Variants in GULP1 observed in about 807,000 individuals in gnomAD.
GULP1 encodes PTB domain-containing engulfment adapter protein 1.
A neutral mutation model predicts 40.9 loss-of-function variants in GULP1; 19 were observed. That is an observed-to-expected ratio of 0.46 (90% CI 0.32 to 0.68). GULP1 has a LOEUF of 0.68. Among genes scored for constraint, GULP1 ranks in the 30% least tolerant of loss-of-function variants. The pLI, the probability that GULP1 is intolerant of heterozygous loss-of-function variation, is 0.03. For synonymous variants in GULP1, 119 were observed against 117.6 expected (o/e 1.01, Z -0.08); for missense variants, 312 against 362.2 (o/e 0.86, Z 1.12).
At chr2:188,482,513 G>A (rs1224175973) in intron 3 of GULP1, among the ~76,000 whole-genome samples, 4 of 151,616 alleles carry the variant, frequency 2.6e-5, no homozygotes, top group South Asian at 2.1e-4. Context: ...ACTAATGGAG[G>A]CAAAATATCA....
chr2:188,301,956 T>G (rs2036208969), intron 1 of GULP1, among the ~76,000 whole-genome samples: 1 of 152,218 alleles, frequency 6.6e-6, no homozygotes, highest in Non-Finnish European at 1.5e-5. Context: ...CTGGATTTAC[T>G]GCTGTGTGAG....
chr2:188,300,395 CTT>C (rs1303660630), intron 1 of GULP1, among the ~76,000 whole-genome samples: 3 of 151,890 alleles, frequency 2.0e-5, no homozygotes, highest in Non-Finnish European at 4.4e-5. Flanking sequence ...CATATGGAAA[CTT>C]GATAATTTTT....
chr2:188,559,407 C>T (rs1159690960), intron 7 of GULP1, among the ~76,000 whole-genome samples: 1 of 152,318 alleles, frequency 6.6e-6, no homozygotes, highest in East Asian at 1.9e-4. Flanking sequence ...ATGGAAACTC[C>T]TGGATGCCCA....
At chr2:188,562,110 A>G (rs1338455512) in intron 7 of GULP1, among the ~76,000 whole-genome samples, 1 of 152,184 alleles carries the variant, frequency 6.6e-6, no homozygotes, top group African/African-American at 2.4e-5. Flanking sequence ...ACAGTGTGCA[A>G]TCTGCTCAAG....
intron 2 of GULP1, among the ~76,000 whole-genome samples, chr2:188,456,682 C>G (rs942599314): frequency 6.6e-6 from 1 of 152,164 alleles, no homozygotes; most frequent in African/African-American, 2.4e-5. Flanking sequence ...CACAGAGTCC[C>G]TACTGGGGCA....
chr2:188,431,879 C>T (rs2056910850), intron 2 of GULP1, among the ~76,000 whole-genome samples: 1 of 151,758 alleles, frequency 6.6e-6, no homozygotes. Flanking sequence ...CTCTTACTTA[C>T]TGGTTTCTTT....
intron 2 of GULP1, among the ~76,000 whole-genome samples, chr2:188,403,947 G>C (rs1575036225): frequency 6.6e-6 from 1 of 152,106 alleles, no homozygotes; most frequent in Non-Finnish European, 1.5e-5. Flanking sequence ...AGGATGATCT[G>C]GGAACTCATT....
intron 9 of GULP1, among the ~76,000 whole-genome samples, chr2:188,576,142 C>T (rs1026840193): frequency 1.3e-5 from 2 of 151,932 alleles, no homozygotes; most frequent in Non-Finnish European, 2.9e-5. Flanking sequence ...CTTTTGCCTA[C>T]GTTATTTCTG....
At chr2:188,356,904 A>G (rs2045400947) in intron 1 of GULP1, among the ~76,000 whole-genome samples, 1 of 152,166 alleles carries the variant, frequency 6.6e-6, no homozygotes, top group South Asian at 2.1e-4. Context: ...AAGTAAATTC[A>G]TATATTTACA....
chr2:188,364,644 T>G (rs2046510082), intron 1 of GULP1, among the ~76,000 whole-genome samples: 2 of 151,884 alleles, frequency 1.3e-5, no homozygotes, highest in African/African-American at 4.8e-5. Context: ...AATCTCATTC[T>G]GAATATCATC....
At chr2:188,585,155 G>A (rs1005668101) in intron 10 of GULP1, among the ~76,000 whole-genome samples, 3 of 152,196 alleles carry the variant, frequency 2.0e-5, no homozygotes, top group East Asian at 3.9e-4. Flanking sequence ...TACTCCATGT[G>A]TCACATCCAG....
intron 1 of GULP1, among the ~76,000 whole-genome samples, chr2:188,299,173 C>T (rs760729279): frequency 3.1e-5 from 4 of 130,340 alleles, no homozygotes; most frequent in Non-Finnish European, 6.8e-5. Context: ...GAGCAGGTGA[C>T]TAAGGAGGGA....
chr2:188,347,645 G>A (rs1574603329), intron 1 of GULP1, among the ~76,000 whole-genome samples: 1 of 128,670 alleles, frequency 7.8e-6, no homozygotes, highest in Admixed American at 9.0e-5. Flanking sequence ...ACAGGGTCTT[G>A]CTCTGTCACC....
At chr2:188,491,561 T>C (rs2062394197) in intron 4 of GULP1, 1 of 152,124 alleles carries the variant, frequency 6.6e-6, no homozygotes, top group Admixed American at 6.6e-5. Flanking sequence ...CAATGGATTA[T>C]GTGGTTGCTT....
intron 1 of GULP1, among the ~76,000 whole-genome samples, chr2:188,327,853 C>T (rs967256136): frequency 6.6e-5 from 10 of 152,022 alleles, no homozygotes; most frequent in African/African-American, 2.4e-4. Context: ...TTTCACATGG[C>T]CAACCTAATA....
chr2:188,552,237 C>A (rs1282610616), intron 7 of GULP1, among the ~76,000 whole-genome samples: 2 of 151,654 alleles, frequency 1.3e-5, no homozygotes, highest in African/African-American at 4.8e-5. Flanking sequence ...GTCATAAATT[C>A]TCTGCCTAGC....
chr2:188,587,672 C>A (rs1202577863), intron 10 of GULP1, among the ~76,000 whole-genome samples, 183 bp from the exon 11 acceptor site: 1 of 152,050 alleles, frequency 6.6e-6, no homozygotes, highest in Non-Finnish European at 1.5e-5. Context: ...TAAAATGGAT[C>A]TTTTCTTCCT....
At chr2:188,305,742 G>A (rs2036952785) in intron 1 of GULP1, among the ~76,000 whole-genome samples, 2 of 152,160 alleles carry the variant, frequency 1.3e-5, no homozygotes, top group Non-Finnish European at 2.9e-5. Flanking sequence ...TAGTTAAAAT[G>A]TTAGGTGAGA....
At chr2:188,523,554 CTACT>C (rs1685380274) in intron 5 of GULP1, among the ~76,000 whole-genome samples, 1 of 11,258 alleles carries the variant, frequency 8.9e-5, no homozygotes, top group Non-Finnish European at 4.5e-4. Flanking sequence ...CACATTATCA[CTACT>C]TTTTTTTTTT....
Sources: gnomAD v4.1 joint callset for allele counts (sites outside exome capture counted in the v4.1 genomes callset) on GRCh38, gnomAD v4.1.1 for gene constraint, MANE v1.5 for transcripts, NCBI Gene and HGNC (gene_info 2026-07-23, HGNC 2026-07-21) for gene names.